HTRA4: variants seen among roughly 807,000 people sequenced by gnomAD.
HTRA4 encodes HtrA serine peptidase 4.
HTRA4 carries 46 observed loss-of-function variants against 49.1 expected under a neutral mutation model. The ratio of observed to expected loss-of-function variants is 0.94; its 90% CI spans 0.74 to 1.20. The LOEUF is 1.20. Ranked by LOEUF, HTRA4 falls within the 50% of genes most tolerant of loss-of-function variation. The pLI is 0.00. For synonymous variants in HTRA4, 261 were observed against 264.0 expected, an observed-to-expected ratio of 0.99 and a Z score of 0.11; for missense variants, 602 against 636.9, an observed-to-expected ratio of 0.95 and a Z score of 0.59.
chr8:38,983,015 T>C lies in HTRA4; in HGVS notation c.1235T>C (p.Val412Ala). 2 of 1,613,824 alleles carry C rather than the reference T, an allele frequency of 1.2e-6. No homozygotes were observed. Among genetic ancestry groups the C allele is most frequent in the Non-Finnish European group, 1.7e-6 (2 of 1,179,752 alleles). The part of the protein sequence containing the change: ...DFPDVSSGVY[V>A]CKVVEGTAAQ... The stretch of plus-strand genomic sequence containing the variant: ...CCTGATGTGAGTTCTGGGGTTTATG[T>C]ATGTAAAGTGGTTGAAGGAACAGCT... Residue 412 changes from valine (V) to alanine (A), a missense_variant, in exon 8 of 9, where the codon GTA becomes GCA. By Grantham distance (64) the Val-to-Ala change is moderately conservative (BLOSUM62 0). Transcript: ENST00000302495.
chr8:38,982,370 C>G, intron 6 of HTRA4, 128 bp from the exon 7 acceptor site: 1 of 737,668 alleles, frequency 1.4e-6, no homozygotes, highest in Non-Finnish European at 2.3e-6. Flanking sequence ...TCTCTGAAGC[C>G]TGTGTTTCAT....
At position 38,974,305 on chromosome 8, in the gene HTRA4, C is replaced by CCT; in HGVS notation, c.44_45dup (p.Leu16SerfsTer192). 6.2e-7 allele frequency: 1 copy of CCT among 1,612,542 alleles called. No homozygotes were observed. The highest frequency in any genetic ancestry group is 8.5e-7 in the Non-Finnish European group (1 of 1,179,564). On this transcript the variant is annotated frameshift_variant, in exon 1 of 9. Transcript: ENST00000302495. LOFTEE classifies it high-confidence loss of function. ...TGCGGACCGCGGGGCTGGGACGATG[C>CCT]CTCCTGCCGGGGCTGCTGCTGCTCC...
intron 2 of HTRA4, 96 bp from the exon 3 acceptor site, chr8:38,976,439 A>T: frequency 9.4e-7 from 1 of 1,066,022 alleles, no homozygotes; most frequent in Non-Finnish European, 1.4e-6. Context: ...TGATGGAGGT[A>T]TGTTTAATAA....
At chr8:38,982,622 A>G (rs1835437211) in intron 7 of HTRA4, 67 bp downstream of exon 7, 1 of 1,490,640 alleles carries the variant, frequency 6.7e-7, no homozygotes, top group East Asian at 2.3e-5. Context: ...CACAGTCTTA[A>G]CAGAAAAGCT....
intron 5 of HTRA4, 130 bp from the exon 6 acceptor site, chr8:38,981,523 G>A (rs1835424405): frequency 3.1e-6 from 2 of 646,898 alleles, no homozygotes; most frequent in Non-Finnish European, 5.6e-6. Context: ...CTCTTTTGAA[G>A]TACAAAGTTC....
At chr8:38,977,861 A>G in intron 3 of HTRA4, 92 bp from the exon 4 acceptor site, 1 of 1,302,566 alleles carries the variant, frequency 7.7e-7, no homozygotes, top group South Asian at 1.3e-5. Flanking sequence ...AGACAGCGTC[A>G]TATATGTGTT....
At chr8:38,985,158 CTTCT>C (rs1174382276) in intron 8 of HTRA4, among the ~76,000 whole-genome samples, 1 of 132,292 alleles carries the variant, frequency 7.6e-6, no homozygotes, top group African/African-American at 2.7e-5. Flanking sequence ...TTCTGTTGTA[CTTCT>C]TTTTTTTTTT....
In HTRA4 at chr8:38,974,358, A is replaced by G. The variant is rs771964698; in HGVS notation, c.95A>G (p.Glu32Gly). Reference protein sequence around the residue: ...LLVPVLWAGAEKLHTQPSCPA... With the variant: ...LLVPVLWAGAGKLHTQPSCPA... ...GTGCCCGTCCTCTGGGCCGGGGCTG[A>G]AAAGCTACATACCCAGCCCTCCTGC... Residue 32 changes from glutamate (E) to glycine (G), a missense_variant, in exon 1 of 9, where the codon GAA becomes GGA. Glu to Gly is a moderately conservative substitution (Grantham distance 98, BLOSUM62 -2). Coordinates refer to ENST00000302495, the MANE Select transcript of HTRA4 (RefSeq NM_153692.4). 5.0e-6 allele frequency: 8 copies of G among 1,608,058 alleles called. No homozygotes were observed. The highest frequency in any genetic ancestry group is 4.5e-5 in the East Asian group (2 of 44,668).
At chr8:38,981,073 T>G (rs10100527) in intron 5 of HTRA4, among the ~76,000 whole-genome samples, 528 of 45,488 alleles carry the variant, frequency 0.012, 13 homozygotes, top group Non-Finnish European at 0.013. Flanking sequence ...GTTTTTTTTT[T>G]TTTTTTTTTT....
At chr8:38,975,804 G>C (rs1353392374) in intron 2 of HTRA4, among the ~76,000 whole-genome samples, 2 of 152,188 alleles carry the variant, frequency 1.3e-5, no homozygotes, top group Non-Finnish European at 2.9e-5. Flanking sequence ...ATGTTACTAT[G>C]TTACGAGGCC....
Position 38,974,559 on chromosome 8 carries a change from GC to G in HTRA4, c.300del (p.Phe102SerfsTer105). 1 of 1,403,948 alleles carries G rather than the reference GC, an allele frequency of 7.1e-7. No individual in the cohort carries two copies. The allele number at this position is 1,403,948 out of a possible 1,614,324, so 87.0% of individuals were successfully genotyped here. A position where few individuals can be genotyped will look rare whatever the true frequency, so the allele number is the denominator to read the frequency against. ...GGGCTGCAGTGCCTCCAGCCGCTGC[GC>G]CCCGGGTTCCCCAGCACCTGCGGTT... is the stretch of plus-strand genomic sequence containing the variant. ...APGLQCLQPLRPGFPSTCGCP... is the reference protein window; with the variant it reads ...APGLQCLQPLXPGFPSTCGCP... On this transcript the variant is annotated frameshift_variant, in exon 1 of 9. Coordinates refer to ENST00000302495, the MANE Select transcript of HTRA4 (RefSeq NM_153692.4). LOFTEE classifies it high-confidence loss of function.
chr8:38,974,847 T>C (rs1835325833), intron 1 of HTRA4, 118 bp downstream of exon 1: 1 of 1,171,442 alleles, frequency 8.5e-7, no homozygotes, highest in East Asian at 2.5e-5. Flanking sequence ...ATTTGCCTCC[T>C]GGATTCGACA....
At chr8:38,982,407 A>G in intron 6 of HTRA4, 91 bp from the exon 7 acceptor site, 1 of 1,111,934 alleles carries the variant, frequency 9.0e-7, no homozygotes, top group Non-Finnish European at 1.4e-6. Flanking sequence ...GACAGCTGTG[A>G]TGGCAAAGAG....
intron 5 of HTRA4, among the ~76,000 whole-genome samples, chr8:38,981,158 C>T (rs908857529): frequency 3.0e-4 from 41 of 136,082 alleles, no homozygotes; most frequent in Non-Finnish European, 5.4e-4. Context: ...CGGCTCACTG[C>T]AAGCTCCGCC....
At chr8:38,974,768 ACT>A in intron 1 of HTRA4, 39 bp downstream of exon 1, 1 of 1,412,320 alleles carries the variant, frequency 7.1e-7, no homozygotes, top group East Asian at 2.6e-5. Context: ...ACACTTTCTA[ACT>A]CTGGAGGAGC....
chr8:38,981,063 G>GTTTTTTTTTTTTTTTTTT (rs71216700), intron 5 of HTRA4, among the ~76,000 whole-genome samples: 3 of 48,142 alleles, frequency 6.2e-5, no homozygotes, highest in Non-Finnish European at 8.6e-5. Flanking sequence ...ATGAGCTTAA[G>GTTTTTTTTTTTTTTTTTT]TTTTTTTTTT....
At chr8:38,983,525 CA>C (rs1232805925) in intron 8 of HTRA4, among the ~76,000 whole-genome samples, 42 of 146,682 alleles carry the variant, frequency 2.9e-4, no homozygotes, top group South Asian at 8.6e-4. Context: ...GACTCCACCT[CA>C]AAAAAAAAAA....
chr8:38,979,809 G>A (rs1301982267), intron 5 of HTRA4, among the ~76,000 whole-genome samples: 1 of 152,200 alleles, frequency 6.6e-6, no homozygotes, highest in African/African-American at 2.4e-5. Context: ...GAGCCACCAT[G>A]CTGTGCCAAA....
Position 38,976,558 on chromosome 8 carries a change from T to C in HTRA4, c.590T>C (p.Val197Ala). The C allele has an allele frequency of 6.2e-7, 1 of 1,614,084 alleles. No homozygotes were observed. The highest frequency in any genetic ancestry group is 1.1e-5 in the South Asian group (1 of 91,074). The stretch of plus-strand genomic sequence containing the variant: ...AGGTTACTTCACGGCAGCAGGCTTG[T>C]TCCTGTGTACAGTGGCTCTGGGTTC... ...WGRLLHGSRL[V>A]PVYSGSGFIV... The change falls in exon 3 of 9, where the codon GTT becomes GCT. Residue 197 changes from valine to alanine, a missense_variant. Val to Ala is a moderately conservative substitution (Grantham distance 64). Transcript: ENST00000302495.
Sources: allele counts gnomAD v4.1 joint callset (sites outside exome capture counted in the v4.1 genomes callset), GRCh38; gene constraint gnomAD v4.1.1; transcripts MANE v1.5; gene names NCBI Gene and HGNC (gene_info 2026-07-23, HGNC 2026-07-21).